Variants in TGS1 observed in about 807,000 individuals in gnomAD.
TGS1 encodes trimethylguanosine synthase.
TGS1 carries 69 observed loss-of-function variants against 92.2 expected under a neutral mutation model. The observed-to-expected ratio is 0.75, with a 90% CI of 0.62 to 0.91. The LOEUF (loss-of-function observed/expected upper bound fraction) is 0.91. Ranked by LOEUF, TGS1 falls within the 40% of genes least tolerant of loss-of-function variation. TGS1 has a pLI of 0.00. For missense variants in TGS1, 1,062 were observed against 1,001.2 expected, an observed-to-expected ratio of 1.06 and a Z score of -0.82; for synonymous variants, 345 against 338.1, an observed-to-expected ratio of 1.02 and a Z score of -0.22.
At chr8:55,821,505 A>G (rs1803632618) in intron 12 of TGS1, among the ~76,000 whole-genome samples, 1 of 152,184 alleles carries the variant, frequency 6.6e-6, no homozygotes, top group East Asian at 1.9e-4. Flanking sequence ...TCTGAAAGGT[A>G]TTAAGAAAAA....
intron 11 of TGS1, among the ~76,000 whole-genome samples, chr8:55,812,580 G>A (rs1275540935): frequency 2.0e-5 from 3 of 151,544 alleles, no homozygotes; most frequent in African/African-American, 4.9e-5. Context: ...CCAGGTACTC[G>A]GGAGGCTGAG....
rs145598702 is a variant in TGS1, at chr8:55,785,747, T to C, written c.195T>C (p.Gly65=). 3.5e-5 allele frequency: 57 copies of C among 1,610,366 alleles called. No homozygotes were observed. The highest frequency in any genetic ancestry group is 4.7e-5 in the Non-Finnish European group (55 of 1,178,844). Reference sequence around the variant, plus strand: ...ACCAGGCGACAGAAGAAGAGGAAGGTGGTTATTCCTGTGGTACTGCAGAAT... The same window carrying C: ...ACCAGGCGACAGAAGAAGAGGAAGGCGGTTATTCCTGTGGTACTGCAGAAT... The part of the protein sequence containing the change: ...SGDQATEEEE[G]GYSCGTAESH... Residue 65 remains glycine, a synonymous_variant, in exon 3 of 13, where the codon GGT becomes GGC. Coordinates refer to ENST00000260129, the MANE Select transcript of TGS1 (RefSeq NM_024831.8).
intron 6 of TGS1, among the ~76,000 whole-genome samples, chr8:55,794,446 T>G (rs1048286431): frequency 1.3e-5 from 2 of 152,228 alleles, no homozygotes; most frequent in African/African-American, 4.8e-5. Context: ...GCATTTGGAT[T>G]ATTTGTGGCA....
rs1244521258 is a variant in TGS1 at position 55,773,702 on chromosome 8, C to T, written c.84C>T (p.Cys28=). The T allele has an allele frequency of 1.9e-6, 3 of 1,610,274 alleles. No individual in the cohort carries two copies. In the East Asian group the frequency reaches 6.7e-5, roughly 36 times the overall value. Residue 28 remains cysteine (C), a synonymous_variant, in exon 1 of 13, where the codon TGC becomes TGT. Transcript: ENST00000260129. ...EREDCKILCL[C]SRAFVEDRKL... is the part of the protein sequence containing the mutation. ...AGGATTGTAAGATACTGTGCCTTTG[C>T]TCCAGGGCATTTGTGGAGTAAGTAG...
chr8:55,784,884 A>G (rs1037611773), intron 2 of TGS1, among the ~76,000 whole-genome samples: 1 of 152,290 alleles, frequency 6.6e-6, no homozygotes. Flanking sequence ...TCTTCCTTCC[A>G]TCCTCAGTAT....
rs1373956343 is a variant in TGS1 at position 55,786,484 on chromosome 8, G to A, written c.586G>A (p.Glu196Lys). 3.1e-6 allele frequency: 5 copies of A among 1,614,046 alleles called. No individual in the cohort carries two copies. The highest frequency in any genetic ancestry group is 4.2e-6 in the Non-Finnish European group (5 of 1,180,000). The part of the protein sequence containing the change: ...NTLSPKLEIT[E>K]KWEKYWNEYG... ...ATTATCTCCAAAGCTAGAAATTACA[G>A]AGAAATGGGAAAAGTATTGGAATGA... The change falls in exon 4 of 13, where the codon GAG becomes AAG. Residue 196 changes from glutamate (E) to lysine (K), a missense_variant. Physicochemically the swap from Glu to Lys is moderately conservative, Grantham distance 56. Coordinates refer to ENST00000260129, the MANE Select transcript of TGS1 (RefSeq NM_024831.8).
intron 5 of TGS1, among the ~76,000 whole-genome samples, chr8:55,791,171 A>T (rs1285800569): frequency 6.6e-6 from 1 of 152,304 alleles, no homozygotes; most frequent in East Asian, 1.9e-4. Context: ...GATCAACTCT[A>T]CTCGAAGCAG....
In TGS1 at chr8:55,773,474, C is replaced by T. The variant is rs921506015; in HGVS notation, c.-145C>T. The T allele has an allele frequency of 1.7e-5, 10 of 577,658 alleles. No homozygotes were observed. Among genetic ancestry groups the T allele is most frequent in the South Asian group, 1.4e-4 (6 of 42,516 alleles). 35.8% of individuals were successfully genotyped at this position (577,658 alleles called of 1,614,324 possible). A position where few individuals can be genotyped will look rare whatever the true frequency, so the allele number is the denominator to read the frequency against. On this transcript the variant is annotated 5_prime_UTR_variant, in exon 1 of 13. Transcript: ENST00000260129. The stretch of plus-strand genomic sequence containing the variant: ...TCCGGCGGCAGCGTCCGGGCTAGTT[C>T]CCGGCGCGAGCGGCCGCGGGCCAGT...
intron 12 of TGS1, 115 bp downstream of exon 12, chr8:55,813,233 C>G: frequency 1.4e-6 from 1 of 694,878 alleles, no homozygotes; most frequent in Non-Finnish European, 2.4e-6. Flanking sequence ...CCCTGACTCA[C>G]TGACTATTCT....
chr8:55,793,765 TATTTATTTA>T (rs1811957375), intron 6 of TGS1, among the ~76,000 whole-genome samples: 1 of 146,888 alleles, frequency 6.8e-6, no homozygotes, highest in African/African-American at 2.6e-5. Context: ...TTTATTTATT[TATTTATTTA>T]TTTTTTAATT....
Position 55,790,278 on chromosome 8 carries a change from A to G in TGS1, c.1259A>G (p.Lys420Arg). The change falls in exon 5 of 13, where the codon AAG becomes AGG. Residue 420 changes from lysine (K) to arginine (R), a missense_variant. Coordinates refer to ENST00000260129, the MANE Select transcript of TGS1 (RefSeq NM_024831.8). ...DESEEDPPEH[K>R]PSKLKRSHEL... ...AGTGAGGAAGACCCACCTGAGCATA[A>G]GCCAAGCAAACTGAAGAGGAGGTAA... 6.2e-7 allele frequency: 1 copy of G among 1,613,848 alleles called. No individual in the cohort carries two copies. The highest frequency in any genetic ancestry group is 8.5e-7 in the Non-Finnish European group (1 of 1,179,724).
intron 1 of TGS1, among the ~76,000 whole-genome samples, chr8:55,776,653 G>A (rs1185320273): frequency 1.3e-5 from 2 of 152,142 alleles, no homozygotes; most frequent in Middle Eastern, 3.2e-3. Context: ...GTGTGGCGCC[G>A]GGCTGTCTGC....
At chr8:55,784,325 G>GA (rs1195561238) in intron 2 of TGS1, among the ~76,000 whole-genome samples, 2 of 152,062 alleles carry the variant, frequency 1.3e-5, no homozygotes, top group Non-Finnish European at 1.5e-5. Context: ...CAGAGAGCTT[G>GA]AAAAAAATCT....
intron 4 of TGS1, 39 bp from the exon 5 acceptor site, chr8:55,790,143 C>A (rs777604958): frequency 5.3e-6 from 8 of 1,512,988 alleles, no homozygotes; most frequent in Non-Finnish European, 7.3e-6. Flanking sequence ...GTTGTCAAAC[C>A]AAGGGGGAAA....
chr8:55,783,589 AATATAATTTATACTGT>A (rs1160550044), intron 2 of TGS1, among the ~76,000 whole-genome samples: 2 of 152,184 alleles, frequency 1.3e-5, no homozygotes, highest in African/African-American at 4.8e-5. Flanking sequence ...CCAAGTAACA[AATATAATTTATACTGT>A]ACATTGAGCC....
At chr8:55,809,504 A>C (rs1208453913) in intron 10 of TGS1, among the ~76,000 whole-genome samples, 1 of 150,658 alleles carries the variant, frequency 6.6e-6, no homozygotes, top group Non-Finnish European at 1.5e-5. Context: ...TCTGTCACCC[A>C]AGCTGGAGTG....
Position 55,787,039 on chromosome 8 carries a change from AAC to A in TGS1, c.1145_1146del (p.Thr382ArgfsTer5), listed in dbSNP as rs751457792. On this transcript the variant is annotated frameshift_variant, in exon 4 of 13. Transcript: ENST00000260129. LOFTEE classifies it high-confidence loss of function. ...NEESNSSGNTNTDPPAEDSQK... is the reference protein window; with the variant it reads ...NEESNSSGNTXTDPPAEDSQK... The stretch of plus-strand genomic sequence containing the variant: ...GGAAAGCAACTCATCGGGGAATACA[AAC>A]ACAGACCCACCAGCTGAGGGTAAGA... 3.0e-5 allele frequency: 48 copies of A among 1,612,116 alleles called. No homozygotes were observed. The highest frequency in any genetic ancestry group is 3.9e-5 in the Non-Finnish European group (46 of 1,179,052).
chr8:55,785,558 G>T (rs2130124651), intron 2 of TGS1, among the ~76,000 whole-genome samples, 161 bp from the exon 3 acceptor site: 1 of 152,196 alleles, frequency 6.6e-6, no homozygotes, highest in East Asian at 1.9e-4. Context: ...AACCTGGGCA[G>T]TGTTGTGAGA....
intron 6 of TGS1, among the ~76,000 whole-genome samples, chr8:55,793,756 TTA>T (rs1467387931): frequency 2.0e-5 from 3 of 150,012 alleles, no homozygotes; most frequent in African/African-American, 7.3e-5. Context: ...ATTTATTTAT[TTA>T]TTTATTTATT....
Sources: allele counts gnomAD v4.1 joint callset (sites outside exome capture counted in the v4.1 genomes callset), GRCh38; gene constraint gnomAD v4.1.1; transcripts MANE v1.5; gene names NCBI Gene and HGNC (gene_info 2026-07-23, HGNC 2026-07-21).